Variants in STK32C observed in about 807,000 individuals in gnomAD.
The protein encoded by STK32C is serine/threonine kinase 32C.
STK32C carries 31 observed loss-of-function variants against 56.5 expected under a neutral mutation model. The observed-to-expected ratio is 0.55, with a 90% CI of 0.41 to 0.74. The LOEUF (loss-of-function observed/expected upper bound fraction) is 0.74. Ranked by LOEUF, STK32C falls within the 30% of genes least tolerant of loss-of-function variation. The pLI, the probability that STK32C is intolerant of heterozygous loss-of-function variation, is 0.00. For missense variants in STK32C, 544 were observed against 676.9 expected (o/e 0.80, Z 2.18); for synonymous variants, 309 against 289.4 (o/e 1.07, Z -0.69).
intron 1 of STK32C, among the ~76,000 whole-genome samples, chr10:132,253,327 AGAGGGAGCTGGAGGGAGCC>A (rs1281961565): frequency 2.0e-5 from 3 of 148,674 alleles, no homozygotes; most frequent in East Asian, 2.0e-4. Flanking sequence ...TGGAGGGAGC[AGAGGGAGCTGGAGGGAGCC>A]GAGGGAGCTG....
Position 132,226,786 on chromosome 10 carries a change from C to A in STK32C, c.644+9G>T, listed in dbSNP as rs2306982. 673,462 of 1,610,374 alleles carry A rather than the reference C, an allele frequency of 0.42. 142,507 individuals are homozygous for A. Among genetic ancestry groups the A allele is most frequent in the Admixed American group, 0.54 (32,443 of 59,980 alleles). On this transcript the variant is annotated intron_variant, in intron 4 of 11. Coordinates refer to ENST00000298630, the MANE Select transcript of STK32C (RefSeq NM_173575.4). ...CAGCAGGTACCTGCGCCGTCTGCCA[C>A]GCACACACCTGTGGATGATGTGCTG... is the stretch of plus-strand genomic sequence containing the variant.
At chr10:132,304,748 A>G (rs535684171) in intron 1 of STK32C, among the ~76,000 whole-genome samples, 6 of 152,188 alleles carry the variant, frequency 3.9e-5, no homozygotes, top group Admixed American at 6.5e-5. Flanking sequence ...TTAAGAGATG[A>G]CTTGAGGAGT....
rs187396032 is a variant in STK32C, at chr10:132,316,783, C to T, written c.301+14653G>A. Among the ~76,000 whole-genome samples, 638 of 152,226 alleles carry T rather than the reference C, an allele frequency of 4.2e-3. 6 individuals carry two copies. Among genetic ancestry groups the T allele is most frequent in the African/African-American group, 0.015 (619 of 41,534 alleles). ...AAAGATACTTAAAAGAGTCCAGGCG[C>T]GGTGGCTTATGCCTGTAATCCCAGC... is the stretch of plus-strand genomic sequence containing the variant. On this transcript the variant is annotated intron_variant, in intron 1 of 3. Transcript: ENST00000368620.
rs1163432851 is a variant in STK32C, at chr10:132,241,482, C to CA, written c.318+4417dup. 2.0e-5 allele frequency among the ~76,000 whole-genome samples: 3 copies of CA among 152,314 alleles called. No individual in the cohort carries two copies. In the East Asian group the frequency reaches 5.8e-4, roughly 29 times the overall value. On this transcript the variant is annotated intron_variant, in intron 2 of 11. Coordinates refer to ENST00000298630, the MANE Select transcript of STK32C (RefSeq NM_173575.4). ...AATGTGAAGAATCAAGATGAAAAAGCAGACGCCTATTTGGGTAAAAGACAC... is the reference window on the plus strand; with the variant it reads ...AATGTGAAGAATCAAGATGAAAAAGCAAGACGCCTATTTGGGTAAAAGACAC...
chr10:132,208,837 G>A (rs981757410), intron 11 of STK32C, among the ~76,000 whole-genome samples, 197 bp downstream of exon 11: 2 of 152,156 alleles, frequency 1.3e-5, no homozygotes, highest in African/African-American at 2.4e-5. Context: ...CGGGCCCCGC[G>A]TGGAGCACAA....
At position 132,224,896 on chromosome 10, in the gene STK32C, C is replaced by T. The variant is rs561181591; in HGVS notation, c.876+337G>A. Among the ~76,000 whole-genome samples the T allele has an allele frequency of 2.6e-5, 4 of 152,276 alleles. No individual in the cohort carries two copies. The South Asian group carries it at 8.3e-4, about 32-fold the overall frequency. The stretch of plus-strand genomic sequence containing the variant: ...GTCTCCAGGACTGGCCTCGCCGTGG[C>T]CACAAGGGTAAGAGCACAGGGCCCC... On this transcript the variant is annotated intron_variant, in intron 7 of 11. Transcript: ENST00000298630.
chr10:132,240,079 C>T (rs79580475), intron 2 of STK32C, among the ~76,000 whole-genome samples: 2 of 151,988 alleles, frequency 1.3e-5, no homozygotes, highest in Admixed American at 6.6e-5. Context: ...AGGCCCCCCC[C>T]AAAGAAGACC....
chr10:132,294,806 G>C (rs2065685428), intron 1 of STK32C, among the ~76,000 whole-genome samples: 1 of 151,990 alleles, frequency 6.6e-6, no homozygotes, highest in South Asian at 2.1e-4. Context: ...CCAGAGCCCT[G>C]CAGTGACTTC....
chr10:132,254,720 G>C (rs1431975660), intron 1 of STK32C, among the ~76,000 whole-genome samples: 1 of 102,716 alleles, frequency 9.7e-6, no homozygotes, highest in Admixed American at 8.9e-5. Flanking sequence ...AGACCTGGGA[G>C]CCCAGGAGAG....
intron 1 of STK32C, among the ~76,000 whole-genome samples, chr10:132,254,536 G>A (rs1331662792): frequency 1.9e-5 from 2 of 106,184 alleles, no homozygotes; most frequent in African/African-American, 9.2e-5. Flanking sequence ...TAAGCCTGCC[G>A]CAGGGTGCCG....
exon 1 of STK32C, chr10:132,331,464 G>T: frequency 6.2e-7 from 1 of 1,612,520 alleles, no homozygotes; most frequent in South Asian, 1.1e-5. Flanking sequence ...TCACTCCTCC[G>T]TCCAGAGGCA....
At chr10:132,240,063 A>G (rs2063446995) in intron 2 of STK32C, among the ~76,000 whole-genome samples, 2 of 152,100 alleles carry the variant, frequency 1.3e-5, no homozygotes, top group African/African-American at 4.8e-5. Flanking sequence ...TGGCCTGGAG[A>G]GCACGAGGCC....
At chr10:132,250,897 T>C (rs1405038121) in intron 1 of STK32C, among the ~76,000 whole-genome samples, 2 of 152,206 alleles carry the variant, frequency 1.3e-5, no homozygotes, top group African/African-American at 4.8e-5. Flanking sequence ...CCCTGCCTCA[T>C]GGTGGGCTCC....
At chr10:132,289,076 C>T (rs557470551) in intron 1 of STK32C, among the ~76,000 whole-genome samples, 1 of 152,168 alleles carries the variant, frequency 6.6e-6, no homozygotes. Context: ...CTACAATAAT[C>T]AAGACAGTGT....
At chr10:132,227,132 G>A (rs2062918611) in intron 3 of STK32C, among the ~76,000 whole-genome samples, 164 bp from the exon 4 acceptor site, 1 of 152,362 alleles carries the variant, frequency 6.6e-6, no homozygotes, top group African/African-American at 2.4e-5. Flanking sequence ...TTGCACCCCA[G>A]CCCAGAGCAG....
At chr10:132,249,111 G>A (rs1319275746) in intron 1 of STK32C, 6 of 467,158 alleles carry the variant, frequency 1.3e-5, no homozygotes, top group East Asian at 6.5e-5. Flanking sequence ...AGGCGCATGC[G>A]TGCCGGGGCG....
At chr10:132,321,019 C>T (rs114176040), downstream of STK32C, among the ~76,000 whole-genome samples, 957 of 152,242 alleles carry the variant, frequency 6.3e-3, 8 homozygotes, top group African/African-American at 0.021. Flanking sequence ...ACTGGCTTGC[C>T]GTGTGGTTTG....
intron 1 of STK32C, among the ~76,000 whole-genome samples, chr10:132,270,813 G>A (rs537171699): frequency 9.9e-5 from 15 of 152,266 alleles, no homozygotes; most frequent in South Asian, 2.1e-4. Flanking sequence ...GTGAGGCTGC[G>A]GAGTGGCCCA....
intron 1 of STK32C, among the ~76,000 whole-genome samples, chr10:132,294,414 G>C (rs1456592126): frequency 6.6e-6 from 1 of 152,208 alleles, no homozygotes; most frequent in Non-Finnish European, 1.5e-5. Flanking sequence ...GGTTTTGGGA[G>C]AACTGGAGGG....
Sources: gnomAD v4.1 joint callset for allele counts (sites outside exome capture counted in the v4.1 genomes callset) on GRCh38, gnomAD v4.1.1 for gene constraint, MANE v1.5 for transcripts, NCBI Gene and HGNC (gene_info 2026-07-23, HGNC 2026-07-21) for gene names.